Variants in PWWP2B observed in about 807,000 individuals in gnomAD.
PWWP2B encodes PWWP domain containing 2B.
Under a neutral mutation model 15.5 loss-of-function variants are expected in PWWP2B, and 9 were observed. That is an observed-to-expected ratio of 0.58 (90% CI 0.35 to 1.02). The LOEUF is 1.02. PWWP2B is among the 50% of genes least tolerant of loss of function. The pLI is 0.02. For synonymous variants in PWWP2B, 474 were observed against 403.6 expected (o/e 1.17, Z -2.09); for missense variants, 864 against 865.3 (o/e 1.00, Z 0.02).
chr10:132,404,008 A>AGGGCTCCTGCAGGACGGCATTCTTCT (rs1564872990), intron 1 of PWWP2B, among the ~76,000 whole-genome samples: 2,525 of 28,062 alleles, frequency 0.09, 105 homozygotes, highest in African/African-American at 0.25. Context: ...GGCATTCTCC[A>AGGGCTCCTGCAGGACGGCATTCTTCT]GGGCTCCTGC....
intron 2 of PWWP2B, among the ~76,000 whole-genome samples, chr10:132,416,106 A>G (rs2069851289): frequency 6.6e-6 from 1 of 152,058 alleles, no homozygotes; most frequent in Admixed American, 6.5e-5. Flanking sequence ...GCAGCACTGG[A>G]AGTGGCAGTG....
rs1230857689 is a variant in PWWP2B at position 132,410,242 on chromosome 10, T to C, written c.*16+3953T>C. ...GCATCCTCAGGGGTGGCTCCAGTTC[T>C]CGGGAGGTGCCTGAGGCCTGGCTGG... is the stretch of plus-strand genomic sequence containing the variant. On this transcript the variant is annotated intron_variant, in intron 2 of 2. Coordinates refer to ENST00000305233, the MANE Select transcript of PWWP2B (RefSeq NM_138499.4). 3.3e-5 allele frequency among the ~76,000 whole-genome samples: 5 copies of C among 151,602 alleles called. No homozygotes were observed. The East Asian group carries it at 9.8e-4, about 30-fold the overall frequency.
chr10:132,406,344 G>A, intron 2 of PWWP2B, 55 bp downstream of exon 2: 1 of 1,432,750 alleles, frequency 7.0e-7, no homozygotes, highest in Non-Finnish European at 9.5e-7. Flanking sequence ...TCACACCTGT[G>A]TCCAGGCCAT....
chr10:132,399,630 CCTA>C (rs1480784201), intron 1 of PWWP2B, among the ~76,000 whole-genome samples: 1 of 152,246 alleles, frequency 6.6e-6, no homozygotes, highest in Non-Finnish European at 1.5e-5. Flanking sequence ...TCACTGCACA[CCTA>C]CTGTGTGCCA....
intron 1 of PWWP2B, among the ~76,000 whole-genome samples, chr10:132,403,364 G>A (rs73387411): frequency 0.09 from 13,723 of 152,262 alleles, 1,301 homozygotes; most frequent in African/African-American, 0.24. Flanking sequence ...TAGCTAGAGC[G>A]GTCTTGAAAA....
chr10:132,411,233 G>A (rs1341675510), intron 2 of PWWP2B, among the ~76,000 whole-genome samples: 3 of 152,208 alleles, frequency 2.0e-5, no homozygotes, highest in Non-Finnish European at 2.9e-5. Context: ...TCATGACCAC[G>A]TCGCCCCAGG....
intron 2 of PWWP2B, among the ~76,000 whole-genome samples, chr10:132,406,769 AG>A (rs1247007265): frequency 2.6e-5 from 4 of 152,188 alleles, no homozygotes; most frequent in Admixed American, 6.5e-5. Context: ...AGGACATTAA[AG>A]GAGGGAGGGC....
intron 1 of PWWP2B, among the ~76,000 whole-genome samples, chr10:132,398,298 G>A (rs946259853): frequency 2.0e-5 from 3 of 152,216 alleles, no homozygotes; most frequent in Admixed American, 6.5e-5. Flanking sequence ...TGTGCCAGAA[G>A]CCATTTATCC....
At position 132,399,824 on chromosome 10, in the gene PWWP2B, G is replaced by A. The variant is rs565315196; in HGVS notation, c.125+2473G>A. The stretch of plus-strand genomic sequence containing the variant: ...TCTTGGGTGGGGTGGCCCTGGCTGA[G>A]GGGTGGCCTGAGGACAGACGAGGCT... On this transcript the variant is annotated intron_variant, in intron 1 of 2. Coordinates refer to ENST00000305233, the MANE Select transcript of PWWP2B (RefSeq NM_138499.4). Among the ~76,000 whole-genome samples the A allele has an allele frequency of 4.9e-4, 75 of 152,260 alleles. No individual in the cohort carries two copies. The Middle Eastern group carries it at 0.01, about 21-fold the overall frequency.
chr10:132,405,680 T>C lies in PWWP2B; in HGVS notation c.1180T>C (p.Cys394Arg), dbSNP rs149018912. Residue 394 changes from cysteine (C) to arginine (R), a missense_variant, in exon 2 of 3, where the codon TGT becomes CGT. By Grantham distance (180) the Cys-to-Arg change is radical (BLOSUM62 -3). Coordinates refer to ENST00000305233, the MANE Select transcript of PWWP2B (RefSeq NM_138499.4). ...GGGTGAGGACGATGACTTCAAGAGC[T>C]GTCCCCAGGGTCCACAGGGACGCGA... ...SSGEDDDFKSCPQGPQGREGL... is the reference protein window; with the variant it reads ...SSGEDDDFKSRPQGPQGREGL... 64 of 1,612,298 alleles carry C rather than the reference T, an allele frequency of 4.0e-5. 1 individual carries two copies. In the Middle Eastern group the frequency reaches 4.9e-4, roughly 12 times the overall value.
At chr10:132,399,664 G>T (rs752645655) in intron 1 of PWWP2B, among the ~76,000 whole-genome samples, 1 of 152,396 alleles carries the variant, frequency 6.6e-6, no homozygotes, top group Middle Eastern at 3.4e-3. Flanking sequence ...TGAGCCCGGA[G>T]CAGGCGGCCT....
chr10:132,403,495 A>G (rs1165167168), intron 1 of PWWP2B, among the ~76,000 whole-genome samples: 2 of 152,210 alleles, frequency 1.3e-5, no homozygotes, highest in Admixed American at 6.5e-5. Context: ...ACGCGCTCAC[A>G]GCAGCTTGTT....
intron 2 of PWWP2B, among the ~76,000 whole-genome samples, chr10:132,410,589 G>A (rs1333367994): frequency 4.6e-5 from 7 of 152,072 alleles, no homozygotes; most frequent in East Asian, 1.9e-4. Flanking sequence ...CCAGAGGGGC[G>A]GCGGGCTGCC....
intron 1 of PWWP2B, among the ~76,000 whole-genome samples, chr10:132,399,896 A>G (rs2069592833): frequency 6.6e-6 from 1 of 152,202 alleles, no homozygotes; most frequent in Admixed American, 6.5e-5. Context: ...TCCTGGCTCC[A>G]TCTCTGAGCT....
intron 1 of PWWP2B, among the ~76,000 whole-genome samples, chr10:132,400,405 C>T (rs546199381): frequency 1.3e-5 from 2 of 152,250 alleles, no homozygotes; most frequent in African/African-American, 4.8e-5. Context: ...GCTCATAAAC[C>T]CTTGAGTCCA....
At chr10:132,399,784 G>A (rs1453883852) in intron 1 of PWWP2B, among the ~76,000 whole-genome samples, 1 of 152,248 alleles carries the variant, frequency 6.6e-6, no homozygotes, top group Non-Finnish European at 1.5e-5. Context: ...TTGGGGACAT[G>A]CTTCTGGTTG....
Position 132,397,242 on chromosome 10 carries a change from G to A in PWWP2B, c.16G>A (p.Gly6Ser). The change falls in exon 1 of 3, where the codon GGC becomes AGC. Residue 6 changes from glycine to serine, a missense_variant. Transcript: ENST00000305233. ...CGGCGGGAGCATGGAGCCGCGCGCCGGCTGCCGGCTGCCGGTGCGGGTGGA... is the reference window on the plus strand; with the variant it reads ...CGGCGGGAGCATGGAGCCGCGCGCCAGCTGCCGGCTGCCGGTGCGGGTGGA... MEPRA[G>S]CRLPVRVEQV... 3.2e-6 allele frequency: 4 copies of A among 1,248,018 alleles called. No homozygotes were observed. Among genetic ancestry groups the A allele is most frequent in the Non-Finnish European group, 4.1e-6 (4 of 987,584 alleles). 77.3% of individuals were successfully genotyped at this position (1,248,018 alleles called of 1,614,324 possible). A position where few individuals can be genotyped will look rare whatever the true frequency, so the allele number is the denominator to read the frequency against.
At position 132,405,415 on chromosome 10, in the gene PWWP2B, G is replaced by C. The variant is rs372803208; in HGVS notation, c.915G>C (p.Pro305=). The C allele has an allele frequency of 4.3e-6, 7 of 1,610,682 alleles. No homozygotes were observed. The highest frequency in any genetic ancestry group is 5.9e-6 in the Non-Finnish European group (7 of 1,179,294). ...EVLDRESRDR[P]SCAPSASIPK... ...TGGACAGAGAGTCCCGGGACCGGCCGTCCTGCGCGCCCTCGGCCTCCATCC... is the reference window on the plus strand; with the variant it reads ...TGGACAGAGAGTCCCGGGACCGGCCCTCCTGCGCGCCCTCGGCCTCCATCC... Residue 305 remains proline (P), a synonymous_variant, in exon 2 of 3, where the codon CCG becomes CCC. Coordinates refer to ENST00000305233, the MANE Select transcript of PWWP2B (RefSeq NM_138499.4).
Position 132,405,140 on chromosome 10 carries a change from A to AAGCCGGAGG in PWWP2B, c.649_657dup (p.Glu217_Glu219dup), listed in dbSNP as rs1421922188. ...CAGCGGCCCGGACAGGGAGCTCCGC[A>AAGCCGGAGG]AGCCGGAGGAGCCGGAGAACGGCGA... On this transcript the variant is annotated inframe_insertion, in exon 2 of 3. Transcript: ENST00000305233. 4 of 1,544,824 alleles carry AAGCCGGAGG rather than the reference A, an allele frequency of 2.6e-6. No individual in the cohort carries two copies. The highest frequency in any genetic ancestry group is 1.2e-5 in the South Asian group (1 of 84,072).
Sources: gnomAD v4.1 joint callset for allele counts (sites outside exome capture counted in the v4.1 genomes callset) on GRCh38, gnomAD v4.1.1 for gene constraint, MANE v1.5 for transcripts, NCBI Gene and HGNC (gene_info 2026-07-23, HGNC 2026-07-21) for gene names.